The following RALGAPA2 variants were observed in gnomAD, a reference collection of about 807,000 sequenced individuals.
RALGAPA2 encodes Ral GTPase activating protein catalytic subunit alpha 2.
In RALGAPA2, 139 loss-of-function variants were observed where a neutral mutation model predicts 230.4. The ratio of observed to expected loss-of-function variants is 0.60; its 90% CI spans 0.53 to 0.69. RALGAPA2 has a LOEUF of 0.69. RALGAPA2 is among the 30% of genes least tolerant of loss of function. The pLI is 0.00. For synonymous variants in RALGAPA2, 847 were observed against 837.8 expected (o/e 1.01, Z -0.19); for missense variants, 2,163 against 2,276.0 (o/e 0.95, Z 1.01).
intron 31 of RALGAPA2, among the ~76,000 whole-genome samples, chr20:20,519,066 C>T (rs1299836290): frequency 6.6e-6 from 1 of 152,050 alleles, no homozygotes; most frequent in East Asian, 1.9e-4. Flanking sequence ...AACCATGTAC[C>T]ATCCACCACC....
chr20:20,680,706 T>C lies in RALGAPA2; in HGVS notation c.202A>G (p.Ser68Gly). 6.4e-7 allele frequency: 1 copy of C among 1,558,084 alleles called. No individual in the cohort carries two copies. The highest frequency in any genetic ancestry group is 8.6e-7 in the Non-Finnish European group (1 of 1,159,388). The change falls in exon 2 of 40, where the codon AGT becomes GGT. Residue 68 changes from serine to glycine, a missense_variant. Coordinates refer to ENST00000202677, the MANE Select transcript of RALGAPA2 (RefSeq NM_020343.4). ...AAATGCTTACCTTTTAATTTCAAAC[T>C]ATTTTCCAGTGCTATAAAATTTTCA... is the stretch of plus-strand genomic sequence containing the variant. ...FYENFIALEN[S>G]LKLKGNNKSQ...
At chr20:20,571,760 A>G in intron 22 of RALGAPA2, 88 bp downstream of exon 22, 2 of 1,465,586 alleles carry the variant, frequency 1.4e-6, no homozygotes, top group Non-Finnish European at 1.9e-6. Flanking sequence ...TCTTCAAAAC[A>G]TGCAGTCTTG....
At chr20:20,568,226 T>G (rs2064509201) in intron 23 of RALGAPA2, among the ~76,000 whole-genome samples, 5 of 152,182 alleles carry the variant, frequency 3.3e-5, no homozygotes, top group Admixed American at 3.3e-4. Context: ...AAAAAATTCA[T>G]TGTCAAGGAA....
chr20:20,491,486 T>C (rs928076378), intron 36 of RALGAPA2, among the ~76,000 whole-genome samples: 18 of 152,136 alleles, frequency 1.2e-4, no homozygotes, highest in African/African-American at 4.3e-4. Context: ...AAAACTTACC[T>C]TCGCAAATTT....
rs1206888110 is a variant in RALGAPA2 at position 20,676,138 on chromosome 20, A to G, written c.270+98T>C. 9 of 805,380 alleles carry G rather than the reference A, an allele frequency of 1.1e-5. No homozygotes were observed. The East Asian group carries it at 2.6e-4, about 24-fold the overall frequency. 49.9% of individuals were successfully genotyped at this position (805,380 alleles called of 1,614,324 possible). A position where few individuals can be genotyped will look rare whatever the true frequency, so the allele number is the denominator to read the frequency against. ...GGAAAGAAAAAAATATATGTCCACCAACAGCCATTTTTATTTGTCTTCAAA... is the reference window on the plus strand; with the variant it reads ...GGAAAGAAAAAAATATATGTCCACCGACAGCCATTTTTATTTGTCTTCAAA... On this transcript the variant is annotated intron_variant, in intron 3 of 39. Coordinates refer to ENST00000202677, the MANE Select transcript of RALGAPA2 (RefSeq NM_020343.4).
chr20:20,703,210 T>C (rs967056767), intron 1 of RALGAPA2, among the ~76,000 whole-genome samples: 10 of 152,210 alleles, frequency 6.6e-5, no homozygotes, highest in African/African-American at 2.4e-4. Flanking sequence ...TTAAAATAGC[T>C]GTGGCTTCAG....
intron 37 of RALGAPA2, among the ~76,000 whole-genome samples, chr20:20,422,774 G>A (rs544082272): frequency 5.3e-5 from 8 of 152,320 alleles, no homozygotes; most frequent in South Asian, 4.1e-4. Context: ...ACCATGTGCC[G>A]CGACTGTTCT....
intron 37 of RALGAPA2, among the ~76,000 whole-genome samples, chr20:20,454,255 T>G (rs2061056791): frequency 6.6e-6 from 1 of 152,140 alleles, no homozygotes; most frequent in Non-Finnish European, 1.5e-5. Flanking sequence ...GAAACAAAGA[T>G]TACATCCCAG....
chr20:20,421,289 A>C (rs2060270922), intron 37 of RALGAPA2, among the ~76,000 whole-genome samples: 1 of 152,264 alleles, frequency 6.6e-6, no homozygotes, highest in African/African-American at 2.4e-5. Flanking sequence ...GACTATAATC[A>C]AAAGGACAAG....
intron 23 of RALGAPA2, among the ~76,000 whole-genome samples, chr20:20,560,498 T>C (rs117996931): frequency 1.7e-3 from 252 of 152,256 alleles, no homozygotes; most frequent in Admixed American, 3.4e-3. Context: ...TGTTATGTAT[T>C]AAAAAGAAAT....
At chr20:20,535,382 A>C (rs182585764) in intron 26 of RALGAPA2, among the ~76,000 whole-genome samples, 119 of 152,310 alleles carry the variant, frequency 7.8e-4, no homozygotes, top group African/African-American at 2.7e-3. Flanking sequence ...CTGGTGTAAA[A>C]GATCATCACT....
intron 36 of RALGAPA2, among the ~76,000 whole-genome samples, chr20:20,484,117 T>G (rs2061847253): frequency 6.6e-6 from 1 of 152,214 alleles, no homozygotes; most frequent in Non-Finnish European, 1.5e-5. Flanking sequence ...TTTGTACTTG[T>G]GCATTTATGC....
chr20:20,592,361 T>C (rs2065317922), intron 16 of RALGAPA2, among the ~76,000 whole-genome samples: 1 of 152,104 alleles, frequency 6.6e-6, no homozygotes, highest in African/African-American at 2.4e-5. Context: ...TAGTCTCCAG[T>C]AGTACTAACC....
At chr20:20,495,023 C>G in intron 36 of RALGAPA2, 94 bp downstream of exon 36, 3 of 1,149,158 alleles carry the variant, frequency 2.6e-6, no homozygotes, top group South Asian at 2.0e-5. Context: ...GGATGAGAGT[C>G]CCCTTTAACA....
intron 20 of RALGAPA2, among the ~76,000 whole-genome samples, chr20:20,579,312 C>G (rs1199192214): frequency 6.6e-6 from 1 of 152,200 alleles, no homozygotes; most frequent in African/African-American, 2.4e-5. Context: ...ATGCTTCTCT[C>G]CTGTCCTGCA....
chr20:20,525,652 C>T (rs1406224758), intron 28 of RALGAPA2, among the ~76,000 whole-genome samples: 1 of 152,156 alleles, frequency 6.6e-6, no homozygotes, highest in African/African-American at 2.4e-5. Flanking sequence ...GTGCCTTATC[C>T]CATGGACACC....
chr20:20,498,538 C>T (rs2062281077), intron 35 of RALGAPA2, among the ~76,000 whole-genome samples: 2 of 152,130 alleles, frequency 1.3e-5, no homozygotes, highest in South Asian at 4.1e-4. Flanking sequence ...CCAGCTGGCT[C>T]CAGAAGGAGT....
At chr20:20,422,907 GT>G (rs1460336386) in intron 37 of RALGAPA2, among the ~76,000 whole-genome samples, 1 of 152,232 alleles carries the variant, frequency 6.6e-6, no homozygotes, top group African/African-American at 2.4e-5. Context: ...GGAATGAGGA[GT>G]GGGTCTTCGT....
At chr20:20,535,836 T>G in intron 25 of RALGAPA2, 33 bp from the exon 26 acceptor site, 1 of 1,535,884 alleles carries the variant, frequency 6.5e-7, no homozygotes, top group South Asian at 1.2e-5. Flanking sequence ...AATAAAAACT[T>G]TGTGTCATAG....
Sources: allele counts gnomAD v4.1 joint callset (sites outside exome capture counted in the v4.1 genomes callset), GRCh38; gene constraint gnomAD v4.1.1; transcripts MANE v1.5; gene names NCBI Gene and HGNC (gene_info 2026-07-23, HGNC 2026-07-21).